TUB: variants seen among roughly 807,000 people sequenced by gnomAD.
TUB encodes the protein tubby protein homolog.
A neutral mutation model predicts 59.7 loss-of-function variants in TUB; 33 were observed. The ratio of observed to expected loss-of-function variants is 0.55; its 90% CI spans 0.42 to 0.74. The LOEUF is 0.74. Ranked by LOEUF, TUB falls within the 30% of genes least tolerant of loss-of-function variation. The probability of loss-of-function intolerance (pLI) is 0.00; values close to 1 mark genes in which losing one functional copy is unlikely to be tolerated. For missense variants in TUB, 659 were observed against 672.0 expected, an observed-to-expected ratio of 0.98 and a Z score of 0.21; for synonymous variants, 293 against 256.4, an observed-to-expected ratio of 1.14 and a Z score of -1.36.
At chr11:8,064,642 A>AAT (rs1943201846) in intron 2 of TUB, among the ~76,000 whole-genome samples, 1 of 152,166 alleles carries the variant, frequency 6.6e-6, no homozygotes, top group African/African-American at 2.4e-5. Context: ...GCCTTCAGAT[A>AAT]ATGACAGGGG....
chr11:8,028,044 T>A (rs1252519118), intron 1 of TUB, among the ~76,000 whole-genome samples: 1 of 152,224 alleles, frequency 6.6e-6, no homozygotes, highest in Non-Finnish European at 1.5e-5. Context: ...CTGCACCATT[T>A]TACATTTCCA....
At position 8,098,946 on chromosome 11, in the gene TUB, G is replaced by C. The variant is rs936954416; in HGVS notation, c.1116+71G>C. On this transcript the variant is annotated intron_variant, in intron 9 of 11. Coordinates refer to ENST00000299506, the MANE Select transcript of TUB (RefSeq NM_177972.3). ...AATCCAGGACTTGATGCCTGATCTA[G>C]GGGCTATCCCATCCATCTTAGTGGG... is the stretch of plus-strand genomic sequence containing the variant. 9.8e-6 allele frequency: 11 copies of C among 1,123,856 alleles called. No individual in the cohort carries two copies. In the African/African-American group the frequency reaches 1.2e-4, roughly 13 times the overall value. The allele number at this position is 1,123,856 out of a possible 1,614,324, so 69.6% of individuals were successfully genotyped here.
At chr11:8,022,239 AT>A (rs1200450329) in intron 1 of TUB, among the ~76,000 whole-genome samples, 25 of 152,194 alleles carry the variant, frequency 1.6e-4, no homozygotes, top group Admixed American at 1.6e-3. Context: ...TAAATATTGA[AT>A]TATTCAAAAA....
At chr11:8,097,195 T>G (rs769434596) in intron 6 of TUB, 33 bp from the exon 7 acceptor site, 1 of 1,611,964 alleles carries the variant, frequency 6.2e-7, no homozygotes, top group Non-Finnish European at 8.5e-7. Flanking sequence ...TTAGGGTCCT[T>G]GGGGCTCAGG....
At chr11:8,078,174 G>A (rs1034965231), upstream of TUB, among the ~76,000 whole-genome samples, 6 of 152,130 alleles carry the variant, frequency 3.9e-5, no homozygotes, top group African/African-American at 7.2e-5. Context: ...GGTGGCAGAT[G>A]TGAGGGTCTC....
rs1441198278 is a variant in TUB, at chr11:8,094,146, C to A, written c.354C>A (p.Gly118=). The A allele has an allele frequency of 1.2e-6, 2 of 1,614,024 alleles. No homozygotes were observed. Among genetic ancestry groups the A allele is most frequent in the Admixed American group, 3.3e-5 (2 of 59,996 alleles). Residue 118 remains glycine, a synonymous_variant, in exon 4 of 12, where the codon GGC becomes GGA. Transcript: ENST00000299506. ...CCAAGGCGGCAGCTACAGCAGGGGGCCAGGGTGGCGCCGCTAGGAAGGAGA... is the reference window on the plus strand; with the variant it reads ...CCAAGGCGGCAGCTACAGCAGGGGGACAGGGTGGCGCCGCTAGGAAGGAGA... ...KRTKAAATAG[G]QGGAARKEKK... is the part of the protein sequence containing the mutation.
rs965521660 is a variant in TUB, at chr11:8,104,826, G to A, written c.*3207G>A. The A allele has an allele frequency of 5.3e-5, 8 of 152,142 alleles. No individual in the cohort carries two copies. The highest frequency in any genetic ancestry group is 1.9e-4 in the African/African-American group (8 of 41,412). 9.4% of individuals were successfully genotyped at this position (152,142 alleles called of 1,614,324 possible). Reference sequence around the variant, plus strand: ...AATGTCCAGATCTATGGCGAACACAGGTGTTGGAAGCCAGGACTGTGATAA... The same window carrying A: ...AATGTCCAGATCTATGGCGAACACAAGTGTTGGAAGCCAGGACTGTGATAA... On this transcript the variant is annotated 3_prime_UTR_variant, in exon 12 of 12. Transcript: ENST00000299506.
intron 5 of TUB, among the ~76,000 whole-genome samples, chr11:8,095,897 A>C (rs1589976573): frequency 1.3e-5 from 2 of 152,272 alleles, no homozygotes; most frequent in African/African-American, 4.8e-5. Flanking sequence ...TCCTTAGAAA[A>C]AGCTCCTTTT....
chr11:8,098,791 T>C lies in TUB; in HGVS notation c.1032T>C (p.Tyr344=). 1 of 1,614,142 alleles carries C rather than the reference T, an allele frequency of 6.2e-7. No individual in the cohort carries two copies. The highest frequency in any genetic ancestry group is 8.5e-7 in the Non-Finnish European group (1 of 1,180,030). ...TGATGGGCACCAAGTTCACTGTTTATGACAATGGAGTCAACCCTCAGAAGG... is the reference window on the plus strand; with the variant it reads ...TGATGGGCACCAAGTTCACTGTTTACGACAATGGAGTCAACCCTCAGAAGG... ...SNLMGTKFTV[Y]DNGVNPQKAS... Residue 344 remains tyrosine, a synonymous_variant, in exon 9 of 12, where the codon TAT becomes TAC. Coordinates refer to ENST00000299506, the MANE Select transcript of TUB (RefSeq NM_177972.3).
Position 8,084,023 on chromosome 11 carries a change from C to T in TUB, c.38+2475C>T, listed in dbSNP as rs7929817. On this transcript the variant is annotated intron_variant, in intron 1 of 11. Transcript: ENST00000299506. ...AAACTGGGGCAGAAGACAGACAAAG[C>T]ATTTTACTTGCAGATGGGAGTGGGG... is the stretch of plus-strand genomic sequence containing the variant. Among the ~76,000 whole-genome samples the T allele has an allele frequency of 2.0e-3, 311 of 152,308 alleles. 2 individuals are homozygous for T. The highest frequency in any genetic ancestry group is 7.0e-3 in the African/African-American group (290 of 41,564).
In TUB at chr11:8,105,376, G is replaced by A. The variant is rs11041742; in HGVS notation, c.*3757G>A. 0.25 allele frequency: 37,561 copies of A among 152,082 alleles called. 4,739 individuals are homozygous for A. The highest frequency in any genetic ancestry group is 0.44 in the East Asian group (2,246 of 5,156). The allele number at this position is 152,082 out of a possible 1,614,324, so 9.4% of individuals were successfully genotyped here. On this transcript the variant is annotated 3_prime_UTR_variant, in exon 12 of 12. Transcript: ENST00000299506. ...CTGGGCTCTGGTCTGTAGGTTTGTA[G>A]TAGCCACCGGTAATAAGCCAAGGGC...
intron 1 of TUB, among the ~76,000 whole-genome samples, chr11:8,086,132 A>T (rs916694903): frequency 6.6e-6 from 1 of 152,192 alleles, no homozygotes; most frequent in African/African-American, 2.4e-5. Flanking sequence ...AGACCTATCC[A>T]TCAGCGCCCT....
upstream of TUB, among the ~76,000 whole-genome samples, chr11:8,080,468 C>G (rs1943527395): frequency 6.6e-6 from 1 of 152,202 alleles, no homozygotes; most frequent in Non-Finnish European, 1.5e-5. Context: ...GTTTTTGCCT[C>G]CGGTCAACTG....
intron 1 of TUB, among the ~76,000 whole-genome samples, chr11:8,081,791 G>C (rs1943570596): frequency 6.6e-6 from 1 of 152,324 alleles, no homozygotes; most frequent in South Asian, 2.1e-4. Context: ...GGCCTTGTTG[G>C]GTCAGGCAGC....
chr11:8,039,753 G>A, intron 2 of TUB: 2 of 1,397,420 alleles, frequency 1.4e-6, no homozygotes, highest in Non-Finnish European at 1.9e-6. Context: ...AGGAGACTGT[G>A]AGGGAGGTGG....
intron 1 of TUB, among the ~76,000 whole-genome samples, chr11:8,030,830 C>T (rs1942560684): frequency 6.6e-6 from 1 of 152,132 alleles, no homozygotes. Flanking sequence ...GGTCACGTTC[C>T]TCTACAAAGA....
At chr11:8,101,447 C>G in intron 11 of TUB, 39 bp from the exon 12 acceptor site, 4 of 1,607,652 alleles carry the variant, frequency 2.5e-6, no homozygotes, top group Non-Finnish European at 3.4e-6. Flanking sequence ...CCATTCCTGT[C>G]CTGTCCTTTT....
intron 2 of TUB, among the ~76,000 whole-genome samples, chr11:8,051,368 C>T (rs919355067): frequency 1.3e-5 from 2 of 151,976 alleles, no homozygotes; most frequent in Admixed American, 6.5e-5. Context: ...TATAATAGCT[C>T]TTTTATGGAT....
At chr11:8,019,576 CGGA>C (rs1430581981) in intron 1 of TUB, among the ~76,000 whole-genome samples, 8 of 152,094 alleles carry the variant, frequency 5.3e-5, no homozygotes, top group Non-Finnish European at 1.0e-4. Flanking sequence ...GCAGAGCTGT[CGGA>C]GGAGGGCACG....
Sources: gnomAD v4.1 joint callset for allele counts (sites outside exome capture counted in the v4.1 genomes callset) on GRCh38, gnomAD v4.1.1 for gene constraint, MANE v1.5 for transcripts, NCBI Gene and HGNC (gene_info 2026-07-23, HGNC 2026-07-21) for gene names.